Variants in YAP1 observed in about 807,000 individuals in gnomAD.
The protein encoded by YAP1 is Yes1 associated transcriptional regulator.
YAP1 carries 5 observed loss-of-function variants against 56.9 expected under a neutral mutation model. That is an observed-to-expected ratio of 0.09 (90% CI 0.05 to 0.18). The LOEUF (loss-of-function observed/expected upper bound fraction) is 0.18, where lower values mean the gene tolerates loss of function less well. YAP1 is among the 10% of genes least tolerant of loss of function. The pLI, the probability that YAP1 is intolerant of heterozygous loss-of-function variation, is 1.00. For synonymous variants in YAP1, 265 were observed against 248.1 expected, an observed-to-expected ratio of 1.07 and a Z score of -0.64; for missense variants, 539 against 651.8, an observed-to-expected ratio of 0.83 and a Z score of 1.88.
intron 3 of YAP1, among the ~76,000 whole-genome samples, chr11:102,184,265 C>T (rs1447113011): frequency 1.3e-5 from 2 of 152,102 alleles, no homozygotes; most frequent in African/African-American, 2.4e-5. Context: ...AGCCATTTTA[C>T]AGTTAAAGAT....
chr11:102,132,182 C>T (rs12790160), intron 2 of YAP1, among the ~76,000 whole-genome samples: 52,120 of 152,056 alleles, frequency 0.34, 9,029 homozygotes, highest in Admixed American at 0.41. Context: ...AGAGAAAAGT[C>T]ATGAGGTAGT....
chr11:102,112,172 C>T (rs1266601745), intron 1 of YAP1, among the ~76,000 whole-genome samples: 4 of 152,220 alleles, frequency 2.6e-5, no homozygotes, highest in East Asian at 3.8e-4. Context: ...AGGCCAAGTC[C>T]TGCCTAGTTC....
chr11:102,110,952 A>T lies in YAP1; in HGVS notation c.104A>T (p.Gln35Leu), dbSNP rs1175550607. 4 of 1,507,080 alleles carry T rather than the reference A, an allele frequency of 2.7e-6. No homozygotes were observed. The South Asian group carries it at 5.0e-5, about 19-fold the overall frequency. The allele number at this position is 1,507,080 out of a possible 1,614,324, so 93.4% of individuals were successfully genotyped here. A position where few individuals can be genotyped will look rare whatever the true frequency, so the allele number is the denominator to read the frequency against. The change falls in exon 1 of 9, where the codon CAA becomes CTA. Residue 35 changes from glutamine (Q) to leucine (L), a missense_variant. By Grantham distance (113) the Gln-to-Leu change is moderately radical. Around this residue, in one of 4 missense-constraint regions of YAP1, gnomAD observed 106 missense variants for 86.6 expected, o/e 1.22. Transcript: ENST00000282441. The part of the protein sequence containing the change: ...QGQGPPSGPG[Q>L]PAPAATQAAP... ...CAGGGCCCGCCGTCCGGACCCGGGC[A>T]ACCGGCACCCGCGGCGACCCAGGCG...
intron 2 of YAP1, among the ~76,000 whole-genome samples, chr11:102,148,489 G>A (rs894182394): frequency 3.3e-5 from 5 of 152,126 alleles, no homozygotes; most frequent in African/African-American, 2.4e-5. Flanking sequence ...AATAAATCCC[G>A]TGTACTTAAC....
chr11:102,205,311 A>G (rs1344576550), intron 4 of YAP1, among the ~76,000 whole-genome samples: 10 of 152,202 alleles, frequency 6.6e-5, no homozygotes, highest in Non-Finnish European at 1.5e-4. Context: ...GTATGTGGAT[A>G]TATTAAGGGC....
intron 3 of YAP1, among the ~76,000 whole-genome samples, chr11:102,173,093 G>A (rs1176455539): frequency 6.6e-6 from 1 of 152,204 alleles, no homozygotes; most frequent in African/African-American, 2.4e-5. Context: ...GTAACCCAGG[G>A]AGAGGATGAC....
At chr11:102,196,541 T>C (rs541334762) in intron 4 of YAP1, among the ~76,000 whole-genome samples, 1 of 151,940 alleles carries the variant, frequency 6.6e-6, no homozygotes, top group African/African-American at 2.4e-5. Context: ...AGTAGATTAG[T>C]GGTTGCCAGG....
Position 102,165,958 on chromosome 11 carries a change from TA to T in YAP1, c.688+3391del, listed in dbSNP as rs1214033065. ...TTGTTTAAGGAGGCCTTGTTTCAAA[TA>T]AAATACTGTTCACTCAAGAGAAGAG... On this transcript the variant is annotated intron_variant, in intron 3 of 8. Transcript: ENST00000282441. Among the ~76,000 whole-genome samples the T allele has an allele frequency of 7.9e-5, 12 of 152,232 alleles. No individual in the cohort carries two copies. The East Asian group carries it at 2.3e-3, about 29-fold the overall frequency.
chr11:102,180,080 G>A (rs189948062), intron 3 of YAP1, among the ~76,000 whole-genome samples: 1 of 146,520 alleles, frequency 6.8e-6, no homozygotes, highest in East Asian at 2.0e-4. Flanking sequence ...CACAATCTTG[G>A]CTCACTGCAA....
At chr11:102,152,769 C>G (rs1945733903) in intron 2 of YAP1, among the ~76,000 whole-genome samples, 1 of 152,168 alleles carries the variant, frequency 6.6e-6, no homozygotes, top group African/African-American at 2.4e-5. Context: ...GTGTTTGCCT[C>G]AATTAGTAGA....
intron 3 of YAP1, among the ~76,000 whole-genome samples, chr11:102,181,474 AAAT>A (rs539110008): frequency 1.2e-3 from 176 of 152,166 alleles, no homozygotes; most frequent in African/African-American, 4.0e-3. Context: ...AAATAAAATA[AAAT>A]AATAACTCCT....
chr11:102,143,983 G>T (rs540958865), intron 2 of YAP1, among the ~76,000 whole-genome samples: 1 of 152,286 alleles, frequency 6.6e-6, no homozygotes, highest in Admixed American at 6.5e-5. Flanking sequence ...TCATAAAGAC[G>T]TGTAAAGAAA....
Position 102,118,544 on chromosome 11 carries a change from A to G in YAP1, c.572+4150A>G, listed in dbSNP as rs142834044. Among the ~76,000 whole-genome samples, 169 of 146,858 alleles carry G rather than the reference A, an allele frequency of 1.2e-3. 5 individuals carry two copies. The East Asian group carries it at 0.032, about 28-fold the overall frequency. ...AGTGGCACGATCTCAACTCACTGCAACCTCTGCCTCCTGGGTTCGCGTGAT... is the reference window on the plus strand; with the variant it reads ...AGTGGCACGATCTCAACTCACTGCAGCCTCTGCCTCCTGGGTTCGCGTGAT... On this transcript the variant is annotated intron_variant, in intron 2 of 8. Transcript: ENST00000282441.
chr11:102,163,340 C>T lies in YAP1; in HGVS notation c.688+769C>T, dbSNP rs561172607. ...GAGTAGGTACTAAGTGAAAGTTTAG[C>T]CCCTTCATCTTCCTTATCACATACT... On this transcript the variant is annotated intron_variant, in intron 3 of 8. Transcript: ENST00000282441. 2.0e-5 allele frequency among the ~76,000 whole-genome samples: 3 copies of T among 152,226 alleles called. No individual in the cohort carries two copies. The East Asian group carries it at 5.8e-4, about 29-fold the overall frequency.
intron 2 of YAP1, among the ~76,000 whole-genome samples, chr11:102,128,390 C>T (rs572987950): frequency 6.6e-5 from 10 of 152,186 alleles, no homozygotes; most frequent in South Asian, 4.1e-4. Context: ...CAGGGGTTTC[C>T]GCTTTTGCTT....
chr11:102,225,193 A>G (rs530395619), intron 7 of YAP1, among the ~76,000 whole-genome samples: 1 of 151,864 alleles, frequency 6.6e-6, no homozygotes, highest in African/African-American at 2.4e-5. Context: ...AAAAAAAAAA[A>G]CAACTCTTGG....
At chr11:102,194,005 C>T (rs536747149) in intron 4 of YAP1, among the ~76,000 whole-genome samples, 1 of 151,960 alleles carries the variant, frequency 6.6e-6, no homozygotes, top group African/African-American at 2.4e-5. Flanking sequence ...CAGGGTTTCA[C>T]CATGTTAGCC....
At chr11:102,146,692 C>T (rs1465442278) in intron 2 of YAP1, among the ~76,000 whole-genome samples, 1 of 152,100 alleles carries the variant, frequency 6.6e-6, no homozygotes, top group African/African-American at 2.4e-5. Context: ...TACATTTTAA[C>T]CTCTGAAATT....
rs753185162 is a variant in YAP1 at position 102,162,526 on chromosome 11, C to G, written c.643C>G (p.Pro215Ala). ...GCTGTCCCAGATGAACGTCACAGCC[C>G]CCACCAGTCCACCAGTGCAGCAGAA... ...AMLSQMNVTA[P>A]TSPPVQQNMM... Residue 215 changes from proline (P) to alanine (A), a missense_variant, in exon 3 of 9, where the codon CCC becomes GCC. By Grantham distance (27) the Pro-to-Ala change is conservative. This residue lies in a region of YAP1 where 414 missense variants were observed against 512.4 expected (regional missense o/e 0.81). Coordinates refer to ENST00000282441, the MANE Select transcript of YAP1 (RefSeq NM_001130145.3). The G allele has an allele frequency of 1.2e-6, 2 of 1,614,168 alleles. No individual in the cohort carries two copies. The highest frequency in any genetic ancestry group is 3.3e-5 in the Admixed American group (2 of 60,024).
Sources: allele counts gnomAD v4.1 joint callset (sites outside exome capture counted in the v4.1 genomes callset), GRCh38; gene constraint gnomAD v4.1.1; regional missense constraint gnomAD v4.1.1; transcripts MANE v1.5; gene names NCBI Gene and HGNC (gene_info 2026-07-23, HGNC 2026-07-21).